Variants in OTOGL observed in about 807,000 individuals in gnomAD.
The protein encoded by OTOGL is otogelin like, also known as otogelin-like protein.
In OTOGL, 285 loss-of-function variants were observed where a neutral mutation model predicts 318.5. The observed-to-expected ratio is 0.89, with a 90% confidence interval of 0.81 to 0.99. The LOEUF is 0.99. OTOGL is among the 50% of genes least tolerant of loss of function. The pLI, the probability that OTOGL is intolerant of heterozygous loss-of-function variation, is 0.00. For missense variants in OTOGL, 2,899 were observed against 2,845.6 expected (o/e 1.02, Z -0.43); for synonymous variants, 987 against 936.5 (o/e 1.05, Z -0.99).
chr12:80,310,206 A>T (rs1471971287), intron 29 of OTOGL, among the ~76,000 whole-genome samples: 1 of 152,190 alleles, frequency 6.6e-6, no homozygotes, highest in Non-Finnish European at 1.5e-5. Flanking sequence ...GGGGAGGAAG[A>T]GGCCAAATTG....
chr12:80,262,797 A>G (rs1392823407), intron 19 of OTOGL, among the ~76,000 whole-genome samples: 2 of 152,222 alleles, frequency 1.3e-5, no homozygotes, highest in African/African-American at 4.8e-5. Flanking sequence ...TATACAAGAC[A>G]TACACATGTA....
chr12:80,125,876 G>T (rs1251691477), intron 1 of OTOGL, among the ~76,000 whole-genome samples: 1 of 152,088 alleles, frequency 6.6e-6, no homozygotes, highest in Non-Finnish European at 1.5e-5. Flanking sequence ...TGTGGGATCG[G>T]TGGTGATATC....
chr12:80,341,732 C>T (rs1291581225), intron 43 of OTOGL, among the ~76,000 whole-genome samples: 1 of 152,046 alleles, frequency 6.6e-6, no homozygotes, highest in Non-Finnish European at 1.5e-5. Context: ...TGATTTCTTT[C>T]TTACTGGGTT....
intron 37 of OTOGL, among the ~76,000 whole-genome samples, chr12:80,330,869 T>C (rs558668763): frequency 3.9e-5 from 6 of 152,282 alleles, no homozygotes; most frequent in African/African-American, 1.4e-4. Flanking sequence ...AGAAAACAAT[T>C]GCATTTATAG....
intron 1 of OTOGL, among the ~76,000 whole-genome samples, chr12:80,206,070 T>C (rs1020528111): frequency 1.3e-5 from 2 of 152,228 alleles, no homozygotes; most frequent in African/African-American, 2.4e-5. Flanking sequence ...AGACTTCTTA[T>C]GAACTTAATA....
chr12:80,374,454 A>G (rs561560610), intron 57 of OTOGL, among the ~76,000 whole-genome samples: 1 of 152,300 alleles, frequency 6.6e-6, no homozygotes, highest in African/African-American at 2.4e-5. Context: ...AATATAACCT[A>G]TATATTTTTA....
intron 5 of OTOGL, among the ~76,000 whole-genome samples, chr12:80,218,208 A>G (rs1877926116): frequency 6.6e-6 from 1 of 152,260 alleles, no homozygotes; most frequent in East Asian, 1.9e-4. Context: ...TTGATCTAAG[A>G]TAAAGTGCAA....
chr12:80,331,868 G>A (rs1301606561), intron 37 of OTOGL, among the ~76,000 whole-genome samples: 1 of 152,110 alleles, frequency 6.6e-6, no homozygotes, highest in Non-Finnish European at 1.5e-5. Flanking sequence ...AAAGAGAGAG[G>A]CAAGAGAGTT....
At chr12:80,261,862 A>ATTTCC (rs1175335420) in intron 18 of OTOGL, 107 bp from the exon 19 acceptor site, 3 of 1,285,378 alleles carry the variant, frequency 2.3e-6, no homozygotes, top group Non-Finnish European at 2.0e-6. Context: ...AAGCTGTAAG[A>ATTTCC]TTTCCTTGTA....
intron 1 of OTOGL, among the ~76,000 whole-genome samples, chr12:80,207,845 A>G (rs1029454731): frequency 1.3e-5 from 2 of 152,184 alleles, no homozygotes; most frequent in South Asian, 2.1e-4. Flanking sequence ...AATCTAAAAT[A>G]TTTTATAGTT....
intron 1 of OTOGL, chr12:80,103,045 T>C (rs7315692): frequency 0.67 from 702,026 of 1,048,578 alleles, 244,069 homozygotes; most frequent in African/African-American, 0.8. Context: ...TGAATGCCTA[T>C]GTGGACAGTT....
rs761399547 is a variant in OTOGL, at chr12:80,255,023, CT to C, written c.1442-6del. On this transcript the variant is annotated splice_polypyrimidine_tract_variant and intron_variant, in intron 15 of 58. Transcript: ENST00000547103. ...ACCTCCTTTTCTTTTTCTTTGTTTTCTTTTTTTTTTTGGCAGTTCAATGCTC... is the reference window on the plus strand; with the variant it reads ...ACCTCCTTTTCTTTTTCTTTGTTTTCTTTTTTTTTTGGCAGTTCAATGCTC... 0.027 allele frequency: 24,810 copies of C among 915,146 alleles called. No individual in the cohort carries two copies. The highest frequency in any genetic ancestry group is 0.052 in the South Asian group (2,343 of 44,652). The allele number at this position is 915,146 out of a possible 1,614,324, so 56.7% of individuals were successfully genotyped here.
chr12:80,243,668 A>G (rs924493779), intron 11 of OTOGL, among the ~76,000 whole-genome samples: 1 of 151,470 alleles, frequency 6.6e-6, no homozygotes, highest in African/African-American at 2.4e-5. Flanking sequence ...ATAATCATAA[A>G]CTGGAAAGGA....
chr12:80,192,990 T>TAAA (rs386377113), intron 1 of OTOGL, among the ~76,000 whole-genome samples: 2 of 149,298 alleles, frequency 1.3e-5, no homozygotes, highest in South Asian at 2.1e-4. Context: ...TTGAAAATAC[T>TAAA]AAAAAAAAAA....
chr12:80,144,230 C>T (rs986244775), intron 1 of OTOGL, among the ~76,000 whole-genome samples: 1 of 152,088 alleles, frequency 6.6e-6, no homozygotes, highest in Non-Finnish European at 1.5e-5. Context: ...CAACAGTCCC[C>T]AGAGTGTGAT....
At chr12:80,304,521 C>T (rs1191131902) in intron 28 of OTOGL, among the ~76,000 whole-genome samples, 2 of 151,954 alleles carry the variant, frequency 1.3e-5, no homozygotes, top group Non-Finnish European at 2.9e-5. Flanking sequence ...AGAAAAGATA[C>T]ATTTTTAAAA....
intron 30 of OTOGL, 29 bp from the exon 31 acceptor site, chr12:80,313,447 A>G (rs774160000): frequency 1.6e-4 from 246 of 1,568,880 alleles, no homozygotes; most frequent in Non-Finnish European, 2.1e-4. Context: ...ATCTATTGAA[A>G]TTAAGTAATC....
At chr12:80,278,138 C>T (rs1262891040) in intron 24 of OTOGL, 30 bp from the exon 25 acceptor site, 1 of 1,479,776 alleles carries the variant, frequency 6.8e-7, no homozygotes, top group Non-Finnish European at 9.2e-7. Context: ...GTAGTTCATA[C>T]TAAATAGCAT....
At chr12:80,237,801 A>G (rs959531914) in intron 9 of OTOGL, among the ~76,000 whole-genome samples, 3 of 152,178 alleles carry the variant, frequency 2.0e-5, no homozygotes, top group South Asian at 4.1e-4. Flanking sequence ...TTATTTTTCT[A>G]CTTTGAAGAT....
Sources: allele counts gnomAD v4.1 joint callset (sites outside exome capture counted in the v4.1 genomes callset), GRCh38; gene constraint gnomAD v4.1.1; transcripts MANE v1.5; gene names NCBI Gene and HGNC (gene_info 2026-07-23, HGNC 2026-07-21).